Variants in CUL2 observed in about 807,000 individuals in gnomAD.
CUL2 encodes cullin-2.
Under a neutral mutation model 110.2 loss-of-function variants are expected in CUL2, and 22 were observed. The ratio of observed to expected loss-of-function variants is 0.20; its 90% CI spans 0.14 to 0.28. The LOEUF (loss-of-function observed/expected upper bound fraction) is 0.28. CUL2 is among the 10% of genes least tolerant of loss of function. The pLI is 1.00. For synonymous variants in CUL2, 279 were observed against 293.2 expected (o/e 0.95, Z 0.49); for missense variants, 631 against 905.5 (o/e 0.70, Z 3.89).
At chr10:35,011,630 A>C (rs1054950004) in intron 20 of CUL2, among the ~76,000 whole-genome samples, 1 of 152,120 alleles carries the variant, frequency 6.6e-6, no homozygotes, top group Non-Finnish European at 1.5e-5. Context: ...CAACAACAAC[A>C]AAAAGGATTA....
chr10:35,124,763 T>C (rs1275016877), intron 1 of CUL2, among the ~76,000 whole-genome samples: 3 of 152,110 alleles, frequency 2.0e-5, no homozygotes, highest in Non-Finnish European at 4.4e-5. Context: ...AGATCTGATA[T>C]GGGAAAGAAA....
intron 17 of CUL2, among the ~76,000 whole-genome samples, chr10:35,016,635 C>T (rs1278376257): frequency 6.6e-6 from 1 of 152,120 alleles, no homozygotes; most frequent in Admixed American, 6.6e-5. Context: ...TAGGTTAAAA[C>T]AGTCTTTAAG....
intron 1 of CUL2, among the ~76,000 whole-genome samples, chr10:35,111,515 C>T (rs1054683096): frequency 2.6e-5 from 4 of 152,180 alleles, no homozygotes; most frequent in Non-Finnish European, 5.9e-5. Flanking sequence ...GCCTTGGTCT[C>T]CCAAAATGCT....
At chr10:35,069,270 GGC>G (rs1026928657) in intron 2 of CUL2, among the ~76,000 whole-genome samples, 7 of 152,100 alleles carry the variant, frequency 4.6e-5, no homozygotes, top group Non-Finnish European at 8.8e-5. Flanking sequence ...TGGGCAAGGT[GGC>G]TCACACCTGT....
At chr10:35,049,824 C>A in intron 5 of CUL2, 59 bp from the exon 6 acceptor site, 1 of 1,161,014 alleles carries the variant, frequency 8.6e-7, no homozygotes. Context: ...TTAACATTTC[C>A]TCAAGGTTTT....
At chr10:35,111,211 T>C (rs927629457) in intron 1 of CUL2, among the ~76,000 whole-genome samples, 1 of 152,112 alleles carries the variant, frequency 6.6e-6, no homozygotes, top group Non-Finnish European at 1.5e-5. Context: ...ACAAGAATTA[T>C]GAGATTAAAT....
intron 9 of CUL2, 72 bp downstream of exon 9, chr10:35,038,848 C>A: frequency 1.0e-6 from 1 of 969,906 alleles, no homozygotes; most frequent in Admixed American, 3.1e-5. Flanking sequence ...GGCATTAAAT[C>A]AAGGGTGACT....
chr10:35,054,536 A>G lies in CUL2; in HGVS notation c.321T>C (p.Tyr107=). The G allele has an allele frequency of 6.5e-7, 1 of 1,541,136 alleles. No homozygotes were observed. The highest frequency in any genetic ancestry group is 8.9e-7 in the Non-Finnish European group (1 of 1,128,212). The change falls in exon 5 of 21, where the codon TAT becomes TAC. Residue 107 remains tyrosine, a synonymous_variant. Coordinates refer to ENST00000374749, the MANE Select transcript of CUL2 (RefSeq NM_003591.4). The part of the protein sequence containing the change: ...GADYMDCLYR[Y]LNTQFIKKNK... ...TCTTTTTAATAAACTGGGTGTTGAG[A>G]TACCTGGAAAATAAATGTAATATCA...
At chr10:35,091,287 C>T (rs72789688), upstream of CUL2, among the ~76,000 whole-genome samples, 462 of 152,296 alleles carry the variant, frequency 3.0e-3, 1 homozygote, top group South Asian at 0.012. Context: ...GCAAGCTTTT[C>T]CCTCCCATCC....
chr10:35,089,301 A>C (rs1454897903), intron 1 of CUL2, among the ~76,000 whole-genome samples: 2 of 152,232 alleles, frequency 1.3e-5, no homozygotes, highest in Non-Finnish European at 2.9e-5. Flanking sequence ...TTGAAAAGGA[A>C]TGTAAGATTC....
intron 1 of CUL2, among the ~76,000 whole-genome samples, chr10:35,123,890 T>C (rs915068189): frequency 3.3e-5 from 5 of 152,232 alleles, no homozygotes; most frequent in African/African-American, 1.2e-4. Context: ...TGGGTATGAT[T>C]AGATAACTAA....
At chr10:35,114,008 C>T (rs1357063800) in intron 1 of CUL2, among the ~76,000 whole-genome samples, 5 of 151,448 alleles carry the variant, frequency 3.3e-5, no homozygotes, top group Non-Finnish European at 7.4e-5. Flanking sequence ...CCTGGATTCA[C>T]GCCATTCTCC....
At chr10:35,080,360 G>A (rs1413635916) in intron 1 of CUL2, among the ~76,000 whole-genome samples, 1 of 152,054 alleles carries the variant, frequency 6.6e-6, no homozygotes, top group Non-Finnish European at 1.5e-5. Flanking sequence ...TTGCACTAAG[G>A]TTTGACCCAC....
intron 1 of CUL2, among the ~76,000 whole-genome samples, chr10:35,083,361 T>C (rs1390056360): frequency 6.6e-6 from 1 of 152,162 alleles, no homozygotes; most frequent in African/African-American, 2.4e-5. Flanking sequence ...ACATAGATGT[T>C]TGTGTATGCA....
At chr10:35,074,783 G>A (rs776721960) in intron 1 of CUL2, among the ~76,000 whole-genome samples, 2 of 152,142 alleles carry the variant, frequency 1.3e-5, no homozygotes, top group Admixed American at 6.6e-5. Context: ...CATTGTGCCC[G>A]GCCTTCATCT....
chr10:35,044,946 T>C, intron 6 of CUL2, 78 bp from the exon 7 acceptor site: 1 of 971,468 alleles, frequency 1.0e-6, no homozygotes, highest in Non-Finnish European at 1.6e-6. Flanking sequence ...TGCCAAAATA[T>C]GGCTCCTTAT....
chr10:35,030,286 A>G (rs1372347504), intron 14 of CUL2, among the ~76,000 whole-genome samples: 2 of 152,242 alleles, frequency 1.3e-5, no homozygotes, highest in East Asian at 3.8e-4. Flanking sequence ...GAAGAAAACT[A>G]TTTCTTTAAA....
intron 2 of CUL2, among the ~76,000 whole-genome samples, chr10:35,068,010 T>C (rs2086578062): frequency 6.7e-6 from 1 of 149,606 alleles, no homozygotes; most frequent in Admixed American, 6.7e-5. Flanking sequence ...CTCGGGAGGC[T>C]GAGGCAGGAG....
At chr10:35,060,775 C>T (rs748225841) in intron 4 of CUL2, 99 bp downstream of exon 4, 161 of 914,518 alleles carry the variant, frequency 1.8e-4, no homozygotes, top group Non-Finnish European at 2.6e-4. Flanking sequence ...TTTAGTTTTG[C>T]ATATGTGAAT....
Sources: gnomAD v4.1 joint callset for allele counts (sites outside exome capture counted in the v4.1 genomes callset) on GRCh38, gnomAD v4.1.1 for gene constraint, MANE v1.5 for transcripts, NCBI Gene and HGNC (gene_info 2026-07-23, HGNC 2026-07-21) for gene names.